The following PSMA1 variants were observed in gnomAD, a reference collection of about 807,000 sequenced individuals.
PSMA1 encodes proteasome 20S subunit alpha 1, also known as proteasome subunit alpha type-1.
A neutral mutation model predicts 38.4 loss-of-function variants in PSMA1; 3 were observed. The ratio of observed to expected loss-of-function variants is 0.08; its 90% CI spans 0.04 to 0.20. The LOEUF is 0.20. PSMA1 is among the 10% of genes least tolerant of loss of function. The pLI, the probability that PSMA1 is intolerant of heterozygous loss-of-function variation, is 1.00. For synonymous variants in PSMA1, 101 were observed against 107.1 expected, an observed-to-expected ratio of 0.94 and a Z score of 0.35; for missense variants, 227 against 325.3, an observed-to-expected ratio of 0.70 and a Z score of 2.32.
intron 2 of PSMA1, among the ~76,000 whole-genome samples, chr11:14,518,290 C>T (rs1457938473): frequency 6.6e-6 from 1 of 151,996 alleles, no homozygotes; most frequent in Non-Finnish European, 1.5e-5. Context: ...CTTGTAGAGT[C>T]CGGGTTTCAT....
intron 2 of PSMA1, among the ~76,000 whole-genome samples, chr11:14,541,733 C>T (rs1851775249): frequency 6.6e-6 from 1 of 152,332 alleles, no homozygotes; most frequent in Admixed American, 6.5e-5. Context: ...GGGAGTAGGA[C>T]TGTTAATTTC....
chr11:14,523,947 A>C (rs1851558606), upstream of PSMA1, among the ~76,000 whole-genome samples: 1 of 151,662 alleles, frequency 6.6e-6, no homozygotes, highest in South Asian at 2.1e-4. Context: ...TTTTGTAGGA[A>C]GACTAGGTCA....
intron 1 of PSMA1, among the ~76,000 whole-genome samples, chr11:14,635,572 T>C (rs1392804726): frequency 6.6e-6 from 1 of 152,230 alleles, no homozygotes; most frequent in African/African-American, 2.4e-5. Context: ...CAAGTCTTTA[T>C]TTTGCTTTTC....
chr11:14,584,942 C>T (rs1315039769), intron 2 of PSMA1, among the ~76,000 whole-genome samples: 1 of 152,196 alleles, frequency 6.6e-6, no homozygotes, highest in Admixed American at 6.5e-5. Context: ...GAATCATTTA[C>T]TGTAGAGACA....
At chr11:14,508,561 C>CAAAAAAAAAAAA (rs60499933) in intron 8 of PSMA1, among the ~76,000 whole-genome samples, 2,524 of 46,838 alleles carry the variant, frequency 0.054, 505 homozygotes, top group Middle Eastern at 0.059. Context: ...CACTCCATCT[C>CAAAAAAAAAAAA]AAAAAAAAAA....
chr11:14,572,937 C>T (rs1852164124), intron 2 of PSMA1, among the ~76,000 whole-genome samples: 1 of 152,144 alleles, frequency 6.6e-6, no homozygotes, highest in Non-Finnish European at 1.5e-5. Flanking sequence ...AAATCCTGGA[C>T]ACATACACCC....
At chr11:14,528,200 T>A (rs990677136) in intron 2 of PSMA1, among the ~76,000 whole-genome samples, 1 of 151,718 alleles carries the variant, frequency 6.6e-6, no homozygotes, top group Non-Finnish European at 1.5e-5. Context: ...ATAAAAAAAC[T>A]CAAGGATAGA....
Position 14,638,512 on chromosome 11 carries a change from T to TCTCTCTCTCC in PSMA1, c.-166+4942_-166+4943insGGAGAGAGAG, listed in dbSNP as rs1440036079. Among the ~76,000 whole-genome samples the TCTCTCTCTCC allele has an allele frequency of 6.3e-3, 121 of 19,098 alleles. 7 individuals carry two copies. Among genetic ancestry groups the TCTCTCTCTCC allele is most frequent in the Middle Eastern group, 0.029 (1 of 34 alleles). The allele number at this position is 19,098 out of a possible 152,430, so 12.5% of individuals were successfully genotyped here. On this transcript the variant is annotated intron_variant, in intron 1 of 10. Coordinates refer to the PSMA1 transcript ENST00000418988. Reference sequence around the variant, plus strand: ...GGCTTAGTGGAGAAACACACCTCTCTCTCTCTCTCTCTCTCTCTCTCTCTC... The same window carrying TCTCTCTCTCC: ...GGCTTAGTGGAGAAACACACCTCTCTCTCTCTCTCCCTCTCTCTCTCTCTCTCTCTCTCTC...
At chr11:14,543,895 T>C (rs1279370119) in intron 2 of PSMA1, among the ~76,000 whole-genome samples, 2 of 152,198 alleles carry the variant, frequency 1.3e-5, no homozygotes, top group East Asian at 3.8e-4. Flanking sequence ...TACTATACAG[T>C]TCACTCATTT....
chr11:14,603,580 G>T (rs1034613152), intron 2 of PSMA1, among the ~76,000 whole-genome samples: 1 of 152,118 alleles, frequency 6.6e-6, no homozygotes, highest in South Asian at 2.1e-4. Flanking sequence ...TTATTTGCAA[G>T]GGTTCTAATA....
chr11:14,546,191 A>G (rs113933007), intron 2 of PSMA1, among the ~76,000 whole-genome samples: 1 of 150,910 alleles, frequency 6.6e-6, no homozygotes, highest in Admixed American at 6.6e-5. Context: ...TGGAAGAGAT[A>G]GAGTTTTTAT....
At chr11:14,593,972 G>T (rs1852453766) in intron 2 of PSMA1, among the ~76,000 whole-genome samples, 1 of 152,214 alleles carries the variant, frequency 6.6e-6, no homozygotes, top group African/African-American at 2.4e-5. Context: ...GCCTTACGCA[G>T]TTGTGGTCAG....
chr11:14,617,745 G>A (rs549943778), intron 1 of PSMA1, among the ~76,000 whole-genome samples: 15 of 151,232 alleles, frequency 9.9e-5, no homozygotes, highest in Middle Eastern at 3.4e-3. Context: ...CAAGTGAGCT[G>A]GACAAGCTGA....
At position 14,588,400 on chromosome 11, in the gene PSMA1, T is replaced by C. The variant is rs866872427; in HGVS notation, c.21+22566A>G. ...GATGTAGGGAGAGACCTTGAAATCC[T>C]TGATAGCTGCTGGGTATGGACTTGA... On this transcript the variant is annotated intron_variant, in intron 2 of 10. Coordinates refer to the PSMA1 transcript ENST00000418988. 2.0e-5 allele frequency among the ~76,000 whole-genome samples: 3 copies of C among 152,208 alleles called. No homozygotes were observed. The South Asian group carries it at 6.2e-4, about 31-fold the overall frequency.
intron 1 of PSMA1, among the ~76,000 whole-genome samples, chr11:14,624,773 G>A (rs1852891345): frequency 6.6e-6 from 1 of 152,126 alleles, no homozygotes; most frequent in African/African-American, 2.4e-5. Context: ...TTGGAAGCCT[G>A]CTGGTACTCC....
chr11:14,599,211 G>A (rs1852546117), intron 2 of PSMA1, among the ~76,000 whole-genome samples: 1 of 152,132 alleles, frequency 6.6e-6, no homozygotes, highest in Non-Finnish European at 1.5e-5. Flanking sequence ...TGACAATTAT[G>A]TGCCTTGGAG....
chr11:14,631,256 T>G (rs186081530), intron 1 of PSMA1, among the ~76,000 whole-genome samples: 78 of 152,342 alleles, frequency 5.1e-4, no homozygotes, highest in Non-Finnish European at 8.5e-4. Context: ...AATTGTGATG[T>G]TAGTGTGTCA....
At chr11:14,564,199 C>G (rs1016017576) in intron 2 of PSMA1, among the ~76,000 whole-genome samples, 1 of 151,928 alleles carries the variant, frequency 6.6e-6, no homozygotes, top group Non-Finnish European at 1.5e-5. Flanking sequence ...CATCCTCCTA[C>G]CCCCCCACCC....
At chr11:14,594,737 T>A (rs1045369455) in intron 2 of PSMA1, among the ~76,000 whole-genome samples, 2 of 152,146 alleles carry the variant, frequency 1.3e-5, no homozygotes, top group Non-Finnish European at 2.9e-5. Context: ...TGGGTCTACT[T>A]ATGGGTTGAA....
Sources: gnomAD v4.1 joint callset for allele counts (sites outside exome capture counted in the v4.1 genomes callset) on GRCh38, gnomAD v4.1.1 for gene constraint, MANE v1.5 for transcripts, NCBI Gene and HGNC (gene_info 2026-07-23, HGNC 2026-07-21) for gene names.